The following DIAPH1 variants were observed in gnomAD, a reference collection of about 807,000 sequenced individuals.
DIAPH1 encodes the protein protein diaphanous homolog 1.
DIAPH1 carries 46 observed loss-of-function variants against 140.7 expected under a neutral mutation model. The observed-to-expected ratio is 0.33, with a 90% CI of 0.26 to 0.42. The LOEUF (loss-of-function observed/expected upper bound fraction) is 0.42, where lower values mean the gene tolerates loss of function less well. Ranked by LOEUF, DIAPH1 falls within the 10% of genes least tolerant of loss-of-function variation. DIAPH1 has a pLI of 1.00. For synonymous variants in DIAPH1, 565 were observed against 551.6 expected (o/e 1.02, Z -0.34); for missense variants, 1,310 against 1,558.7 (o/e 0.84, Z 2.69).
intron 17 of DIAPH1, chr5:141,571,689 A>G (rs1450868336): frequency 2.7e-5 from 18 of 662,968 alleles, no homozygotes; most frequent in Admixed American, 2.3e-4. Context: ...CATATCCCTA[A>G]CAAGTTATAC....
chr5:141,528,351 T>G, intron 23 of DIAPH1, 102 bp downstream of exon 23: 5 of 1,545,174 alleles, frequency 3.2e-6, no homozygotes, highest in Non-Finnish European at 4.4e-6. Flanking sequence ...CATTTCCACT[T>G]GAAATAGTCT....
chr5:141,569,251 C>G (rs926823894), intron 18 of DIAPH1, among the ~76,000 whole-genome samples: 3 of 152,154 alleles, frequency 2.0e-5, no homozygotes, highest in Admixed American at 2.0e-4. Context: ...TGAATTCTGA[C>G]ACTTTTTATA....
chr5:141,579,222 G>C, intron 8 of DIAPH1, 26 bp from the exon 9 acceptor site: 1 of 1,569,812 alleles, frequency 6.4e-7, no homozygotes, highest in Non-Finnish European at 8.8e-7. Context: ...GAAACGGAGA[G>C]AACTTTCCAG....
At chr5:141,548,743 G>C (rs2154595570) in intron 18 of DIAPH1, among the ~76,000 whole-genome samples, 1 of 152,194 alleles carries the variant, frequency 6.6e-6, no homozygotes, top group Middle Eastern at 3.4e-3. Flanking sequence ...GGAGGCTGAG[G>C]CTGCAGTGAG....
At position 141,516,836 on chromosome 5, in the gene DIAPH1, G is replaced by A; in HGVS notation, c.*15C>T. ...GCGGCTCCGCTGAGGAGCTGCCGCG[G>A]TCACAGGACCCACATTAGCTTGCAC... On this transcript the variant is annotated 3_prime_UTR_variant, in exon 28 of 28. Coordinates refer to ENST00000389054, the MANE Select transcript of DIAPH1 (RefSeq NM_005219.5). The A allele has an allele frequency of 6.2e-7, 1 of 1,613,820 alleles. No individual in the cohort carries two copies.
At chr5:141,550,426 A>T (rs1203319701) in intron 18 of DIAPH1, 1 of 154,382 alleles carries the variant, frequency 6.5e-6, no homozygotes, top group Non-Finnish European at 1.5e-5. Context: ...AGCCAGATGT[A>T]AACCTTACCT....
Position 141,555,100 on chromosome 5 carries a change from A to G in DIAPH1, c.2482+16328T>C, listed in dbSNP as rs75911274. 4.9e-3 allele frequency among the ~76,000 whole-genome samples: 750 copies of G among 152,304 alleles called. 4 individuals carry two copies. The highest frequency in any genetic ancestry group is 0.017 in the African/African-American group (691 of 41,556). On this transcript the variant is annotated intron_variant, in intron 18 of 27. Transcript: ENST00000389054. ...TAATGAGTTGTACACTTCGACCTGA[A>G]ATAAAGAAGAACTAAGATACACACA... is the stretch of plus-strand genomic sequence containing the variant.
intron 1 of DIAPH1, among the ~76,000 whole-genome samples, chr5:141,591,049 C>T (rs145343693): frequency 5.9e-5 from 9 of 152,272 alleles, no homozygotes; most frequent in African/African-American, 2.2e-4. Context: ...ATCAAAATTC[C>T]TGTGCATGGC....
intron 18 of DIAPH1, among the ~76,000 whole-genome samples, chr5:141,535,016 A>G (rs1188190686): frequency 6.6e-6 from 1 of 152,156 alleles, no homozygotes; most frequent in Non-Finnish European, 1.5e-5. Flanking sequence ...TGGCGCAATC[A>G]TGGCTCACTT....
chr5:141,552,730 C>T (rs903276840), intron 18 of DIAPH1, among the ~76,000 whole-genome samples: 2 of 152,032 alleles, frequency 1.3e-5, no homozygotes, highest in African/African-American at 4.8e-5. Flanking sequence ...TCTGATGTGT[C>T]CTTATAAAGG....
chr5:141,573,128 G>GA (rs2099895436), intron 16 of DIAPH1, among the ~76,000 whole-genome samples: 1 of 152,054 alleles, frequency 6.6e-6, no homozygotes, highest in Non-Finnish European at 1.5e-5. Flanking sequence ...GTAGAAAACT[G>GA]AAACTGTTTC....
chr5:141,600,012 A>T (rs575459875), intron 1 of DIAPH1, among the ~76,000 whole-genome samples: 1 of 152,152 alleles, frequency 6.6e-6, no homozygotes, highest in Non-Finnish European at 1.5e-5. Flanking sequence ...ACAGGCATAT[A>T]GCACCATGCC....
chr5:141,545,642 C>T (rs1219339823), intron 18 of DIAPH1, among the ~76,000 whole-genome samples: 1 of 151,608 alleles, frequency 6.6e-6, no homozygotes, highest in East Asian at 1.9e-4. Flanking sequence ...GACCCTGTCT[C>T]AGAAAAAAAG....
At chr5:141,529,102 C>A in intron 21 of DIAPH1, 70 bp downstream of exon 21, 1 of 1,549,074 alleles carries the variant, frequency 6.5e-7, no homozygotes, top group South Asian at 1.1e-5. Context: ...AGCATATGCC[C>A]AGGCTGCTCT....
intron 1 of DIAPH1, among the ~76,000 whole-genome samples, chr5:141,591,704 A>ATC (rs1426224386): frequency 1.3e-5 from 1 of 76,198 alleles, no homozygotes; most frequent in Non-Finnish European, 2.8e-5. Flanking sequence ...GGATATATAT[A>ATC]TATATATATA....
At chr5:141,532,559 G>GA (rs559071904) in intron 19 of DIAPH1, among the ~76,000 whole-genome samples, 17 of 152,130 alleles carry the variant, frequency 1.1e-4, no homozygotes, top group Non-Finnish European at 2.2e-4. Context: ...GCCCCCACTT[G>GA]ATTTAGATCC....
At chr5:141,521,152 A>G (rs1052540970) in intron 27 of DIAPH1, among the ~76,000 whole-genome samples, 2 of 152,152 alleles carry the variant, frequency 1.3e-5, no homozygotes, top group Non-Finnish European at 2.9e-5. Flanking sequence ...AGAAGGTTAG[A>G]TACTAATCAC....
chr5:141,617,062 C>A lies in DIAPH1; in HGVS notation c.117+1736G>T, dbSNP rs2154597501. 3.9e-5 allele frequency among the ~76,000 whole-genome samples: 6 copies of A among 152,216 alleles called. No homozygotes were observed. The Middle Eastern group carries it at 0.014, about 345-fold the overall frequency. ...ACATGAAAACAAGTCACTGAGGTCA[C>A]CACAAGTCAGCAGCAATAGCTGGAA... is the stretch of plus-strand genomic sequence containing the variant. On this transcript the variant is annotated intron_variant, in intron 1 of 27. Transcript: ENST00000389054.
chr5:141,573,558 T>C lies in DIAPH1; in HGVS notation c.2292A>G (p.Pro764=), dbSNP rs773214407. 6 of 1,613,104 alleles carry C rather than the reference T, an allele frequency of 3.7e-6. No homozygotes were observed. Among genetic ancestry groups the C allele is most frequent in the Non-Finnish European group, 5.1e-6 (6 of 1,179,704 alleles). ...AAAGCTTTTTGGGGGTTAATCCAAA[T>C]GGCAGAACTGGGGCTGCAGGAACTC... ...GFGVPAAPVL[P]FGLTPKKLYK... The change falls in exon 16 of 28, where the codon CCA becomes CCG. Residue 764 remains proline (P), a synonymous_variant. Transcript: ENST00000389054.
Sources: allele counts gnomAD v4.1 joint callset (sites outside exome capture counted in the v4.1 genomes callset), GRCh38; gene constraint gnomAD v4.1.1; transcripts MANE v1.5; gene names NCBI Gene and HGNC (gene_info 2026-07-23, HGNC 2026-07-21).